CLDN14: variants seen among roughly 807,000 people sequenced by gnomAD.
CLDN14 encodes the protein claudin-14.
In CLDN14, 2 loss-of-function variants were observed where a neutral mutation model predicts 2.1. The ratio of observed to expected loss-of-function variants is 0.96; its 90% confidence interval spans 0.39 to 3.01. The LOEUF (loss-of-function observed/expected upper bound fraction) is 3.01. Among genes scored for constraint, CLDN14 ranks in the 30% most tolerant of loss-of-function variants. CLDN14 has a pLI of 0.09. For synonymous variants in CLDN14, 136 were observed against 154.4 expected (o/e 0.88, Z 0.88); for missense variants, 298 against 328.0 (o/e 0.91, Z 0.71).
At chr21:36,495,487 A>T (rs2087007731) in intron 2 of CLDN14, among the ~76,000 whole-genome samples, 1 of 152,214 alleles carries the variant, frequency 6.6e-6, no homozygotes, top group Admixed American at 6.5e-5. Context: ...TGGAAAAGGG[A>T]ATCTGAAATT....
At chr21:36,567,983 T>C (rs780602361) in intron 1 of CLDN14, among the ~76,000 whole-genome samples, 1 of 152,172 alleles carries the variant, frequency 6.6e-6, no homozygotes, top group African/African-American at 2.4e-5. Flanking sequence ...CACAGTCTAG[T>C]AGGGAAGACA....
chr21:36,543,074 C>A (rs982297032), intron 1 of CLDN14, among the ~76,000 whole-genome samples: 1 of 152,160 alleles, frequency 6.6e-6, no homozygotes, highest in African/African-American at 2.4e-5. Context: ...GGTGAAAATC[C>A]CAGCAGATTT....
intron 2 of CLDN14, chr21:36,487,383 A>G: frequency 5.0e-6 from 1 of 201,204 alleles, no homozygotes; most frequent in Non-Finnish European, 1.1e-5. Context: ...ACTGTTGTCC[A>G]CACACACCAT....
rs146701669 is a variant in CLDN14, at chr21:36,486,832, C to T, written c.-82+23531G>A. The T allele has an allele frequency of 4.8e-4, 355 of 736,262 alleles. No homozygotes were observed. In the African/African-American group the frequency reaches 5.0e-3, roughly 10 times the overall value. 45.6% of individuals were successfully genotyped at this position (736,262 alleles called of 1,614,324 possible). On this transcript the variant is annotated intron_variant, in intron 2 of 2. Coordinates refer to the CLDN14 transcript ENST00000342108. ...CAGAGCCAGATGGGCCATGTGGATG[C>T]CAGTGTAGAAGGTGATCTTGCCCTT...
chr21:36,502,085 C>T (rs2087096810), intron 2 of CLDN14, among the ~76,000 whole-genome samples: 4 of 152,138 alleles, frequency 2.6e-5, no homozygotes, highest in African/African-American at 9.7e-5. Context: ...TTCTGTAACA[C>T]ACCACAATGA....
chr21:36,537,861 G>T (rs2146507283), intron 1 of CLDN14, among the ~76,000 whole-genome samples: 1 of 152,226 alleles, frequency 6.6e-6, no homozygotes, highest in Middle Eastern at 3.4e-3. Flanking sequence ...TGTTGGTCAA[G>T]CTGGTCTCGA....
rs1601616666 is a variant in CLDN14, at chr21:36,508,554, T to TG, written c.-82+1808dup. Among the ~76,000 whole-genome samples the TG allele has an allele frequency of 2.0e-5, 3 of 152,234 alleles. No individual in the cohort carries two copies. In the East Asian group the frequency reaches 5.8e-4, roughly 29 times the overall value. On this transcript the variant is annotated intron_variant, in intron 2 of 2. Coordinates refer to the CLDN14 transcript ENST00000342108. ...GTCATGGCCTATCTGACAGATGCGT[T>TG]GGGGGGCCCCGGAGAGCCAGGAGTA...
chr21:36,462,139 G>C (rs751919974), intron 1 of CLDN14, among the ~76,000 whole-genome samples: 12 of 152,162 alleles, frequency 7.9e-5, no homozygotes, highest in Non-Finnish European at 1.3e-4. Flanking sequence ...TTCATGCCTT[G>C]GACTGACAGT....
intron 1 of CLDN14, among the ~76,000 whole-genome samples, chr21:36,523,781 G>GAGAGAA (rs1568868851): frequency 2.6e-5 from 1 of 38,344 alleles, no homozygotes; most frequent in African/African-American, 7.3e-5. Context: ...GAGAGAAAGA[G>GAGAGAA]AGAAAGAAAG....
intron 1 of CLDN14, among the ~76,000 whole-genome samples, chr21:36,465,972 C>A (rs1197152671): frequency 1.3e-5 from 2 of 152,188 alleles, no homozygotes; most frequent in African/African-American, 4.8e-5. Context: ...GGCTTAGCTG[C>A]ACCTGAGAGC....
intron 1 of CLDN14, among the ~76,000 whole-genome samples, chr21:36,514,663 A>G (rs73902555): frequency 7.6e-6 from 1 of 132,410 alleles, no homozygotes; most frequent in East Asian, 2.0e-4. Context: ...GTGTGTGTGT[A>G]GAGAGACAGG....
intron 1 of CLDN14, among the ~76,000 whole-genome samples, chr21:36,523,757 A>AG (rs2087293273): frequency 1.1e-5 from 1 of 90,334 alleles, no homozygotes; most frequent in African/African-American, 4.6e-5. Flanking sequence ...AAAAAAAAAA[A>AG]AAAAAGAAAG....
intron 1 of CLDN14, among the ~76,000 whole-genome samples, chr21:36,542,084 A>G (rs2087493715): frequency 6.6e-6 from 1 of 152,072 alleles, no homozygotes; most frequent in Non-Finnish European, 1.5e-5. Context: ...CAGCCTCCCA[A>G]GTAGCTGTGA....
intron 1 of CLDN14, among the ~76,000 whole-genome samples, chr21:36,563,250 G>T (rs409231): frequency 0.75 from 113,448 of 152,058 alleles, 43,904 homozygotes; most frequent in Non-Finnish European, 0.87. Flanking sequence ...CAGGTAATAT[G>T]GGAAAAAGAT....
chr21:36,574,885 A>G (rs1432730409), intron 1 of CLDN14, among the ~76,000 whole-genome samples: 1 of 152,062 alleles, frequency 6.6e-6, no homozygotes, highest in Non-Finnish European at 1.5e-5. Context: ...AAAGTCCTTA[A>G]AGCTATCAAA....
intron 1 of CLDN14, among the ~76,000 whole-genome samples, chr21:36,556,136 C>T (rs1480245175): frequency 6.6e-6 from 1 of 152,088 alleles, no homozygotes; most frequent in East Asian, 1.9e-4. Context: ...ACCTCGGGGA[C>T]CCTTTCTTCT....
At chr21:36,506,927 T>C (rs2087138703) in intron 2 of CLDN14, among the ~76,000 whole-genome samples, 1 of 152,084 alleles carries the variant, frequency 6.6e-6, no homozygotes, top group Non-Finnish European at 1.5e-5. Flanking sequence ...GAGACCAGCC[T>C]GGGCAACACA....
chr21:36,472,560 G>T (rs1402136397), intron 1 of CLDN14, among the ~76,000 whole-genome samples: 72 of 152,222 alleles, frequency 4.7e-4, no homozygotes, highest in Admixed American at 4.5e-3. Context: ...GCCCTCCATA[G>T]TGTGGGTGGG....
At chr21:36,528,913 G>T (rs867743830) in intron 1 of CLDN14, among the ~76,000 whole-genome samples, 52 of 152,320 alleles carry the variant, frequency 3.4e-4, no homozygotes, top group Middle Eastern at 6.8e-3. Context: ...CCAAGCCTGA[G>T]GAGGACGCGA....
Sources: allele counts gnomAD v4.1 joint callset (sites outside exome capture counted in the v4.1 genomes callset), GRCh38; gene constraint gnomAD v4.1.1; transcripts MANE v1.5; gene names NCBI Gene and HGNC (gene_info 2026-07-23, HGNC 2026-07-21).